Variants in ZNF326 observed in about 807,000 individuals in gnomAD.
ZNF326 encodes the protein DBIRD complex subunit ZNF326.
A neutral mutation model predicts 63.1 loss-of-function variants in ZNF326; 30 were observed. The observed-to-expected ratio is 0.48, with a 90% CI of 0.36 to 0.64. ZNF326 has a LOEUF of 0.64. ZNF326 is among the 30% of genes least tolerant of loss of function. The pLI is 0.00. For synonymous variants in ZNF326, 194 were observed against 228.2 expected (o/e 0.85, Z 1.35); for missense variants, 609 against 720.3 (o/e 0.85, Z 1.77).
intron 1 of ZNF326, 72 bp downstream of exon 1, chr1:89,995,345 C>A (rs1205578979): frequency 8.0e-6 from 12 of 1,507,144 alleles, no homozygotes; most frequent in Non-Finnish European, 6.2e-6. Context: ...GTCTGTTTAC[C>A]GTCTCAAGAT....
chr1:90,006,583 A>T, intron 4 of ZNF326: 2 of 586,264 alleles, frequency 3.4e-6, no homozygotes, highest in Non-Finnish European at 4.3e-6. Flanking sequence ...TGAAGGAAAT[A>T]ATTTTGCAAA....
In ZNF326 at chr1:90,007,666, G is replaced by T; in HGVS notation, c.531G>T (p.Thr177=). Residue 177 remains threonine (T), a synonymous_variant, in exon 5 of 12, where the codon ACG becomes ACT. Coordinates refer to ENST00000340281, the MANE Select transcript of ZNF326 (RefSeq NM_182976.4). This position sits in a 1 kb window ranked among gnomAD's most constrained non-coding sequence, Gnocchi z 4.9. ...PAPVGSRGRG[T]PAYPESTFGS... is the part of the protein sequence containing the mutation. ...CTGTAGGCTCTCGGGGGAGAGGAACGCCTGCTTATCCTGAAAGTACGTTTG... is the reference window on the plus strand; with the variant it reads ...CTGTAGGCTCTCGGGGGAGAGGAACTCCTGCTTATCCTGAAAGTACGTTTG... 1 of 1,528,024 alleles carries T rather than the reference G, an allele frequency of 6.5e-7. No homozygotes were observed. Among genetic ancestry groups the T allele is most frequent in the Non-Finnish European group, 8.8e-7 (1 of 1,139,502 alleles). The allele number at this position is 1,528,024 out of a possible 1,614,324, so 94.7% of individuals were successfully genotyped here. A position where few individuals can be genotyped will look rare whatever the true frequency, so the allele number is the denominator to read the frequency against.
chr1:90,022,388 T>C, intron 11 of ZNF326, 43 bp downstream of exon 11: 2 of 1,371,376 alleles, frequency 1.5e-6, no homozygotes, highest in Non-Finnish European at 2.1e-6. Context: ...TATTGTAGTA[T>C]TGCAATAATT....
chr1:90,020,855 A>G lies in ZNF326; in HGVS notation c.1238A>G (p.Tyr413Cys). Residue 413 changes from tyrosine to cysteine, a missense_variant, in exon 10 of 12, where the codon TAT becomes TGT. Transcript: ENST00000340281. ...GTTCATTGCAGCGCTTGCAGTGTTT[A>G]TATCCCTGCTTTACATAGTTCAGTT... ...ETVHCSACSV[Y>C]IPALHSSVQQ... 6.2e-7 allele frequency: 1 copy of G among 1,613,076 alleles called. No individual in the cohort carries two copies. Among genetic ancestry groups the G allele is most frequent in the Non-Finnish European group, 8.5e-7 (1 of 1,179,220 alleles).
chr1:90,009,636 A>C (rs1313316207), intron 5 of ZNF326, among the ~76,000 whole-genome samples: 1 of 152,030 alleles, frequency 6.6e-6, no homozygotes, highest in African/African-American at 2.4e-5. Flanking sequence ...TGATTTCTGG[A>C]TCTTTTTTAC....
At position 90,027,948 on chromosome 1, in the gene ZNF326, A is replaced by T. The variant is rs1650103175; in HGVS notation, c.*247A>T. On this transcript the variant is annotated 3_prime_UTR_variant, in exon 12 of 12. Coordinates refer to ENST00000340281, the MANE Select transcript of ZNF326 (RefSeq NM_182976.4). Reference sequence around the variant, plus strand: ...AATTGTTTGTATAATTTTTAAGCTTAATTTTTATTACTTTATTGGTGTTAA... The same window carrying T: ...AATTGTTTGTATAATTTTTAAGCTTTATTTTTATTACTTTATTGGTGTTAA... The T allele has an allele frequency of 2.1e-6, 1 of 470,774 alleles. No individual in the cohort carries two copies. Among genetic ancestry groups the T allele is most frequent in the Non-Finnish European group, 3.7e-6 (1 of 268,340 alleles). 29.2% of individuals were successfully genotyped at this position (470,774 alleles called of 1,614,324 possible).
intron 7 of ZNF326, among the ~76,000 whole-genome samples, chr1:90,014,803 T>C (rs572500201): frequency 2.0e-5 from 3 of 152,296 alleles, no homozygotes; most frequent in Admixed American, 6.5e-5. Context: ...CTTCTTTTGG[T>C]AGAAGTAACA....
At chr1:90,006,128 C>T in intron 4 of ZNF326, 1 of 985,340 alleles carries the variant, frequency 1.0e-6, no homozygotes, top group Non-Finnish European at 1.2e-6. Flanking sequence ...CTTCTTTCTG[C>T]TTCCAGTGTA....
At chr1:90,000,188 G>A (rs1326386043) in intron 2 of ZNF326, among the ~76,000 whole-genome samples, 2 of 152,112 alleles carry the variant, frequency 1.3e-5, no homozygotes, top group Non-Finnish European at 2.9e-5. Flanking sequence ...AGACTTACGG[G>A]CTTTAAGAAA....
chr1:90,018,350 C>G (rs1649600758), intron 8 of ZNF326, among the ~76,000 whole-genome samples: 1 of 151,690 alleles, frequency 6.6e-6, no homozygotes, highest in South Asian at 2.1e-4. Flanking sequence ...AACTGTGACC[C>G]TTAATTAACA....
In ZNF326 at chr1:90,030,510, C is replaced by T. The variant is rs571698395; in HGVS notation, c.*2809C>T. On this transcript the variant is annotated 3_prime_UTR_variant, in exon 12 of 12. Transcript: ENST00000340281. ...CCTTTGCATTTTCTTATTCTATAGC[C>T]TATACCCATCAGCTTTCCTTGGCTG... is the stretch of plus-strand genomic sequence containing the variant. 2 of 152,226 alleles carry T rather than the reference C, an allele frequency of 1.3e-5. No individual in the cohort carries two copies. Among genetic ancestry groups the T allele is most frequent in the East Asian group, 3.9e-4 (2 of 5,178 alleles). 9.4% of individuals were successfully genotyped at this position (152,226 alleles called of 1,614,324 possible).
chr1:90,022,813 A>C (rs769525261), intron 11 of ZNF326, among the ~76,000 whole-genome samples: 23 of 152,212 alleles, frequency 1.5e-4, no homozygotes, highest in Non-Finnish European at 2.4e-4. Flanking sequence ...GTCACTAGGA[A>C]GACCCAAAAG....
In ZNF326 at chr1:89,997,960, G is replaced by A. The variant is rs1015741528; in HGVS notation, c.17-150G>A. 6.6e-6 allele frequency: 4 copies of A among 607,974 alleles called. No individual in the cohort carries two copies. In the South Asian group the frequency reaches 8.5e-5, roughly 13 times the overall value. The allele number at this position is 607,974 out of a possible 1,614,324, so 37.7% of individuals were successfully genotyped here. On this transcript the variant is annotated intron_variant, in intron 1 of 11. Coordinates refer to ENST00000340281, the MANE Select transcript of ZNF326 (RefSeq NM_182976.4). ...ATACATTTTCTGGAATGGAGTATTG[G>A]TAATTATTTGTTTTAACTATTCTCA...
At chr1:90,008,106 G>GT (rs1244352039) in intron 5 of ZNF326, among the ~76,000 whole-genome samples, 1 of 152,146 alleles carries the variant, frequency 6.6e-6, no homozygotes, top group Non-Finnish European at 1.5e-5. Flanking sequence ...CCCTTTTTGA[G>GT]TTTTTGAGTA....
chr1:89,998,617 A>G (rs1375389318), intron 2 of ZNF326, among the ~76,000 whole-genome samples: 1 of 152,216 alleles, frequency 6.6e-6, no homozygotes, highest in Admixed American at 6.5e-5. Context: ...CTAGAGGAGC[A>G]CATGAAGAAG....
intron 7 of ZNF326, 27 bp downstream of exon 7, chr1:90,013,264 G>A: frequency 1.4e-6 from 2 of 1,470,036 alleles, no homozygotes; most frequent in Non-Finnish European, 9.1e-7. Context: ...AGAAAATTAG[G>A]TTCATTAAAA....
chr1:90,006,766 G>A (rs1354301389), intron 4 of ZNF326, among the ~76,000 whole-genome samples: 1 of 152,140 alleles, frequency 6.6e-6, no homozygotes, highest in Non-Finnish European at 1.5e-5. Flanking sequence ...CTTGGCTGAA[G>A]TTTGGCAGAT....
intron 9 of ZNF326, among the ~76,000 whole-genome samples, chr1:90,019,421 C>T (rs1212651511): frequency 6.6e-6 from 1 of 152,124 alleles, no homozygotes; most frequent in African/African-American, 2.4e-5. Context: ...GTTACCAACA[C>T]CAACTTCTCT....
At position 90,024,772 on chromosome 1, in the gene ZNF326, C is replaced by A. The variant is rs150072598; in HGVS notation, c.1401+2427C>A. ...CTGGGATTACAGGCACACACCACCA[C>A]ACTCAGCCACTTCCCATATGCTTAT... On this transcript the variant is annotated intron_variant, in intron 11 of 11. Transcript: ENST00000340281. Among the ~76,000 whole-genome samples the A allele has an allele frequency of 3.3e-4, 50 of 152,238 alleles. No individual in the cohort carries two copies. The East Asian group carries it at 8.7e-3, about 26-fold the overall frequency.
Sources: gnomAD v4.1 joint callset for allele counts (sites outside exome capture counted in the v4.1 genomes callset) on GRCh38, gnomAD v4.1.1 for gene constraint, Gnocchi (gnomAD v3.1) non-coding constraint, MANE v1.5 for transcripts, NCBI Gene and HGNC (gene_info 2026-07-23, HGNC 2026-07-21) for gene names.